Variants in CIAPIN1 observed in about 807,000 individuals in gnomAD.
CIAPIN1 encodes the protein cytokine induced apoptosis inhibitor 1.
A neutral mutation model predicts 34.3 loss-of-function variants in CIAPIN1; 18 were observed. That is an observed-to-expected ratio of 0.52 (90% confidence interval 0.36 to 0.78). The LOEUF (loss-of-function observed/expected upper bound fraction) is 0.78, where lower values mean the gene tolerates loss of function less well. CIAPIN1 is among the 30% of genes least tolerant of loss of function. The pLI, the probability that CIAPIN1 is intolerant of heterozygous loss-of-function variation, is 0.00. For missense variants in CIAPIN1, 310 were observed against 372.5 expected, an observed-to-expected ratio of 0.83 and a Z score of 1.38; for synonymous variants, 131 against 140.4, an observed-to-expected ratio of 0.93 and a Z score of 0.47.
In CIAPIN1 at chr16:57,430,354, G is replaced by A. The variant is rs1294409555; in HGVS notation, c.747-15C>T. ...GGCCACAGGTGCTGCGGGAAAATCA[G>A]TAACTAATGAACGAGAATTGTCACC... On this transcript the variant is annotated splice_polypyrimidine_tract_variant and intron_variant, in intron 7 of 8. Transcript: ENST00000394391. 3 of 1,613,294 alleles carry A rather than the reference G, an allele frequency of 1.9e-6. No homozygotes were observed. The South Asian group carries it at 3.3e-5, about 18-fold the overall frequency.
At position 57,428,331 on chromosome 16, in the gene CIAPIN1, G is replaced by C. The variant is rs190531796; in HGVS notation, c.*839C>G. 1 of 152,208 alleles carries C rather than the reference G, an allele frequency of 6.6e-6. No individual in the cohort carries two copies. Among genetic ancestry groups the C allele is most frequent in the Non-Finnish European group, 1.5e-5 (1 of 68,046 alleles). 9.4% of individuals were successfully genotyped at this position (152,208 alleles called of 1,614,324 possible). ...CAAAGGGGTCTCTGCTCAGAGAGAC[G>C]TATTGTCGTTCAGAGTTCTGCCCTG... is the stretch of plus-strand genomic sequence containing the variant. On this transcript the variant is annotated 3_prime_UTR_variant, in exon 9 of 9. Transcript: ENST00000394391.
intron 1 of CIAPIN1, among the ~76,000 whole-genome samples, chr16:57,443,553 G>A (rs990639174): frequency 5.9e-5 from 9 of 152,314 alleles, no homozygotes; most frequent in Admixed American, 1.3e-4. Flanking sequence ...CGCCTTCAGC[G>A]TTCAAGCAAT....
At chr16:57,435,393 T>A (rs1371792645) in intron 4 of CIAPIN1, among the ~76,000 whole-genome samples, 1 of 152,188 alleles carries the variant, frequency 6.6e-6, no homozygotes, top group African/African-American at 2.4e-5. Context: ...TATTCCTTTA[T>A]AGGAACAGAA....
chr16:57,439,616 A>C (rs895560426), intron 2 of CIAPIN1, among the ~76,000 whole-genome samples: 1 of 152,258 alleles, frequency 6.6e-6, no homozygotes, highest in Non-Finnish European at 1.5e-5. Flanking sequence ...AAAAGTACAC[A>C]AATTGTGAAG....
chr16:57,429,143 G>T lies in CIAPIN1; in HGVS notation c.*27C>A. The T allele has an allele frequency of 6.7e-7, 1 of 1,499,406 alleles. No homozygotes were observed. The highest frequency in any genetic ancestry group is 9.3e-7 in the Non-Finnish European group (1 of 1,077,262). The allele number at this position is 1,499,406 out of a possible 1,614,324, so 92.9% of individuals were successfully genotyped here. On this transcript the variant is annotated 3_prime_UTR_variant, in exon 9 of 9. Coordinates refer to ENST00000394391, the MANE Select transcript of CIAPIN1 (RefSeq NM_020313.4). ...TGAGGGACAGGAGTTGGCTGGAGGA[G>T]CAGATGGGTCCCATGTCAGGAACCT...
intron 8 of CIAPIN1, among the ~76,000 whole-genome samples, chr16:57,429,493 C>CT (rs375251477): frequency 0.019 from 2,805 of 149,032 alleles, 99 homozygotes; most frequent in African/African-American, 0.065. Flanking sequence ...GGCCATAGTT[C>CT]TTTTTTTTTT....
chr16:57,443,563 T>C (rs563435163), intron 1 of CIAPIN1, among the ~76,000 whole-genome samples: 1 of 152,366 alleles, frequency 6.6e-6, no homozygotes, highest in South Asian at 2.1e-4. Flanking sequence ...GTTCAAGCAA[T>C]TCTCATGCCT....
intron 1 of CIAPIN1, among the ~76,000 whole-genome samples, chr16:57,441,834 C>A (rs796964216): frequency 1.3e-5 from 2 of 152,342 alleles, no homozygotes; most frequent in African/African-American, 4.8e-5. Flanking sequence ...GTACTCTACT[C>A]AGTTTCTCCT....
chr16:57,435,055 CTGTAA>C (rs1903168952), intron 4 of CIAPIN1, among the ~76,000 whole-genome samples: 1 of 152,152 alleles, frequency 6.6e-6, no homozygotes, highest in African/African-American at 2.4e-5. Flanking sequence ...TCATGTTGAA[CTGTAA>C]TCCCCAATGT....
chr16:57,436,873 C>G, intron 3 of CIAPIN1, 141 bp from the exon 4 acceptor site: 1 of 519,744 alleles, frequency 1.9e-6, no homozygotes, highest in South Asian at 2.2e-5. Flanking sequence ...AATCCCAGCA[C>G]TTTGGGAGGC....
intron 1 of CIAPIN1, among the ~76,000 whole-genome samples, chr16:57,443,299 C>T (rs1353030963): frequency 6.6e-6 from 1 of 151,700 alleles, no homozygotes; most frequent in Non-Finnish European, 1.5e-5. Context: ...ACCACCATGC[C>T]CGTCTACTTT....
At chr16:57,431,292 G>C in intron 6 of CIAPIN1, 26 bp from the exon 7 acceptor site, 1 of 1,493,012 alleles carries the variant, frequency 6.7e-7, no homozygotes, top group Non-Finnish European at 9.3e-7. Context: ...AGCAATGAGT[G>C]ATACAGTCGT....
At position 57,430,258 on chromosome 16, in the gene CIAPIN1, G is replaced by A. The variant is rs759134563; in HGVS notation, c.828C>T (p.Asn276=). The part of the protein sequence containing the change: ...MSSQPKSACG[N]CYLGDAFRCA... ...GCTGAGGAATGATCCTGATATTTAC[G>A]TTTCCACAAGCTGACTTGGGTTGGG... Residue 276 remains asparagine, a splice_region_variant and synonymous_variant, in exon 8 of 9, where the codon AAC becomes AAT. Transcript: ENST00000394391. 23 of 1,613,620 alleles carry A rather than the reference G, an allele frequency of 1.4e-5. No individual in the cohort carries two copies. The highest frequency in any genetic ancestry group is 1.3e-4 in the East Asian group (6 of 44,898).
intron 1 of CIAPIN1, among the ~76,000 whole-genome samples, chr16:57,443,866 C>A (rs1246188281): frequency 6.6e-6 from 1 of 152,086 alleles, no homozygotes; most frequent in African/African-American, 2.4e-5. Flanking sequence ...TGGGATCAAT[C>A]TCCCATTTAA....
Position 57,429,071 on chromosome 16 carries a change from G to C in CIAPIN1, c.*99C>G. ...GCACCCACTCTGCAAACAGATCTCA[G>C]AGTGAACAAATCCAGAGGAGGTGGG... On this transcript the variant is annotated 3_prime_UTR_variant, in exon 9 of 9. Transcript: ENST00000394391. The C allele has an allele frequency of 2.5e-6, 2 of 811,272 alleles. No homozygotes were observed. Among genetic ancestry groups the C allele is most frequent in the Non-Finnish European group, 4.2e-6 (2 of 477,280 alleles). The allele number at this position is 811,272 out of a possible 1,614,324, so 50.3% of individuals were successfully genotyped here.
intron 6 of CIAPIN1, among the ~76,000 whole-genome samples, chr16:57,432,011 A>G (rs115675509): frequency 0.011 from 1,619 of 152,336 alleles, 37 homozygotes; most frequent in African/African-American, 0.037. Context: ...ATGCTAAAAA[A>G]TTTAAAATGC....
intron 8 of CIAPIN1, 63 bp from the exon 9 acceptor site, chr16:57,429,343 G>A (rs1313503918): frequency 1.8e-5 from 21 of 1,136,082 alleles, no homozygotes; most frequent in Non-Finnish European, 1.1e-5. Flanking sequence ...CCAGAAGAAA[G>A]AAATGCCTAA....
intron 3 of CIAPIN1, 104 bp downstream of exon 3, chr16:57,439,078 G>T: frequency 8.8e-7 from 1 of 1,131,730 alleles, no homozygotes; most frequent in Middle Eastern, 3.1e-4. Flanking sequence ...TTTTGCTACA[G>T]GAATACTGAT....
chr16:57,440,086 G>A (rs750704799), intron 2 of CIAPIN1, among the ~76,000 whole-genome samples: 2 of 152,082 alleles, frequency 1.3e-5, no homozygotes, highest in Non-Finnish European at 2.9e-5. Context: ...AAGAGAATGC[G>A]TTCCTAGGGG....
Sources: gnomAD v4.1 joint callset for allele counts (sites outside exome capture counted in the v4.1 genomes callset) on GRCh38, gnomAD v4.1.1 for gene constraint, MANE v1.5 for transcripts, NCBI Gene and HGNC (gene_info 2026-07-23, HGNC 2026-07-21) for gene names.